SERPINB11: variants seen among roughly 807,000 people sequenced by gnomAD.
The protein encoded by SERPINB11 is serpin family B member 11.
A neutral mutation model predicts 36.7 loss-of-function variants in SERPINB11; 32 were observed. The observed-to-expected ratio is 0.87, with a 90% CI of 0.66 to 1.17. The LOEUF is 1.17. SERPINB11 is among the 50% of genes most tolerant of loss of function. The pLI, the probability that SERPINB11 is intolerant of heterozygous loss-of-function variation, is 0.00. For missense variants in SERPINB11, 528 were observed against 458.4 expected (o/e 1.15, Z -1.39); for synonymous variants, 174 against 168.1 (o/e 1.04, Z -0.27).
At chr18:63,712,084 A>G (rs1323334394) in intron 3 of SERPINB11, among the ~76,000 whole-genome samples, 2 of 152,206 alleles carry the variant, frequency 1.3e-5, no homozygotes, top group Non-Finnish European at 2.9e-5. Flanking sequence ...ACAAAGCTGC[A>G]GCTTAGCAGA....
chr18:63,709,445 A>C (rs1914457012), intron 1 of SERPINB11, among the ~76,000 whole-genome samples: 3 of 151,882 alleles, frequency 2.0e-5, no homozygotes, highest in Non-Finnish European at 4.4e-5. Flanking sequence ...CCCCGTCTCT[A>C]CCAAAAAATA....
At chr18:63,708,014 T>A (rs1426767395) in intron 1 of SERPINB11, among the ~76,000 whole-genome samples, 2 of 152,200 alleles carry the variant, frequency 1.3e-5, no homozygotes, top group Non-Finnish European at 2.9e-5. Context: ...ACTGCTGGAA[T>A]GAGCCATTCA....
At chr18:63,715,676 A>G (rs1262862764) in intron 4 of SERPINB11, among the ~76,000 whole-genome samples, 4 of 152,160 alleles carry the variant, frequency 2.6e-5, no homozygotes, top group African/African-American at 9.7e-5. Context: ...CCTGTCTATA[A>G]TCTGAGAGCA....
At chr18:63,712,435 TA>T in intron 3 of SERPINB11, 129 bp from the exon 4 acceptor site, 1 of 893,928 alleles carries the variant, frequency 1.1e-6, no homozygotes, top group East Asian at 2.6e-5. Flanking sequence ...GAAAATGCTT[TA>T]AACTAATTTC....
intron 1 of SERPINB11, among the ~76,000 whole-genome samples, chr18:63,704,872 A>G (rs1914330848): frequency 6.6e-6 from 1 of 152,206 alleles, no homozygotes; most frequent in South Asian, 2.1e-4. Context: ...GTGTGCTGAT[A>G]TTCATCATGG....
intron 5 of SERPINB11, among the ~76,000 whole-genome samples, chr18:63,719,435 T>C (rs901818769): frequency 1.3e-5 from 2 of 152,080 alleles, no homozygotes; most frequent in African/African-American, 2.4e-5. Context: ...TTTTATAAAT[T>C]GCAATGTACC....
intron 3 of SERPINB11, among the ~76,000 whole-genome samples, chr18:63,711,799 G>T (rs184406179): frequency 2.6e-4 from 39 of 152,142 alleles, no homozygotes; most frequent in Non-Finnish European, 1.2e-4. Context: ...CACATGCTCT[G>T]GGACTATGGT....
intron 4 of SERPINB11, among the ~76,000 whole-genome samples, 171 bp downstream of exon 4, chr18:63,712,864 T>C (rs188903694): frequency 1.3e-5 from 2 of 152,324 alleles, no homozygotes; most frequent in East Asian, 1.9e-4. Context: ...CATGTAAAGT[T>C]CCCAAATATC....
chr18:63,718,189 T>C (rs1598966699), intron 5 of SERPINB11, among the ~76,000 whole-genome samples: 2 of 151,998 alleles, frequency 1.3e-5, no homozygotes, highest in Admixed American at 6.6e-5. Flanking sequence ...GCCACAATTA[T>C]AGTAGCTTTA....
In SERPINB11 at chr18:63,716,025, T is replaced by A; in HGVS notation, c.358-10T>A. Reference sequence around the variant, plus strand: ...TTTGAATTGTTGTTCAATTATCATGTCTTTCATAGCAATATTTAAGCTGTT... The same window carrying A: ...TTTGAATTGTTGTTCAATTATCATGACTTTCATAGCAATATTTAAGCTGTT... On this transcript the variant is annotated splice_polypyrimidine_tract_variant and intron_variant, in intron 4 of 7. Coordinates refer to ENST00000544088, the MANE Select transcript of SERPINB11 (RefSeq NM_001370475.1). The A allele has an allele frequency of 6.4e-7, 1 of 1,556,148 alleles. No individual in the cohort carries two copies. Among genetic ancestry groups the A allele is most frequent in the South Asian group, 1.1e-5 (1 of 87,624 alleles).
At position 63,712,559 on chromosome 18, in the gene SERPINB11, C is replaced by T; in HGVS notation, c.229-6C>T. 2 of 1,613,586 alleles carry T rather than the reference C, an allele frequency of 1.2e-6. No individual in the cohort carries two copies. Among genetic ancestry groups the T allele is most frequent in the South Asian group, 1.1e-5 (1 of 91,030 alleles). On this transcript the variant is annotated splice_polypyrimidine_tract_variant and splice_region_variant and intron_variant, in intron 3 of 7. Transcript: ENST00000544088. ...ATACATCATTCTTTGTTTACTGATG[C>T]TTCAGTGCAGCCAAGCTGGAAGAAT...
chr18:63,713,520 G>A (rs1480293214), intron 4 of SERPINB11, among the ~76,000 whole-genome samples: 1 of 152,212 alleles, frequency 6.6e-6, no homozygotes, highest in Non-Finnish European at 1.5e-5. Context: ...GAAGCTGGAT[G>A]AAAACATGAG....
chr18:63,718,676 A>G (rs1433077987), intron 5 of SERPINB11, among the ~76,000 whole-genome samples: 1 of 152,080 alleles, frequency 6.6e-6, no homozygotes, highest in African/African-American at 2.4e-5. Context: ...TTCTTTTAGC[A>G]TAAGGACAAT....
At chr18:63,703,686 G>A (rs1914297058) in intron 1 of SERPINB11, among the ~76,000 whole-genome samples, 1 of 152,196 alleles carries the variant, frequency 6.6e-6, no homozygotes, top group Admixed American at 6.5e-5. Context: ...GGGGAAGAAT[G>A]TACACAGGGT....
At chr18:63,705,945 CACACATAAT>C (rs1914361499) in intron 1 of SERPINB11, 1 of 152,136 alleles carries the variant, frequency 6.6e-6, no homozygotes, top group Non-Finnish European at 1.5e-5. Context: ...CTGTTATTAC[CACACATAAT>C]ACAGAGAGCT....
chr18:63,711,202 G>C, intron 2 of SERPINB11, 133 bp from the exon 3 acceptor site: 3 of 692,350 alleles, frequency 4.3e-6, no homozygotes, highest in Non-Finnish European at 7.5e-6. Context: ...TCAGGACTTG[G>C]AACACATTAT....
intron 1 of SERPINB11, among the ~76,000 whole-genome samples, chr18:63,704,750 G>T (rs925672794): frequency 6.6e-6 from 1 of 152,170 alleles, no homozygotes; most frequent in Non-Finnish European, 1.5e-5. Context: ...CACTCACCCT[G>T]CAAGACTCAA....
chr18:63,717,301 A>T (rs967466471), intron 5 of SERPINB11, among the ~76,000 whole-genome samples: 1 of 152,058 alleles, frequency 6.6e-6, no homozygotes, highest in Admixed American at 6.6e-5. Context: ...GGACATTTTT[A>T]GTTTGGATCT....
chr18:63,718,631 T>C (rs539257287), intron 5 of SERPINB11, among the ~76,000 whole-genome samples: 55 of 152,188 alleles, frequency 3.6e-4, no homozygotes, highest in Admixed American at 2.6e-3. Flanking sequence ...TGAATTCACT[T>C]AATAATTCTA....
Sources: allele counts gnomAD v4.1 joint callset (sites outside exome capture counted in the v4.1 genomes callset), GRCh38; gene constraint gnomAD v4.1.1; transcripts MANE v1.5; gene names NCBI Gene and HGNC (gene_info 2026-07-23, HGNC 2026-07-21).